Variants in SYNE1 observed in about 807,000 individuals in gnomAD.
The protein encoded by SYNE1 is spectrin repeat containing nuclear envelope protein 1.
A neutral mutation model predicts 1,111.0 loss-of-function variants in SYNE1; 616 were observed. The observed-to-expected ratio is 0.55, with a 90% CI of 0.52 to 0.59. The LOEUF (loss-of-function observed/expected upper bound fraction) is 0.59. Among genes scored for constraint, SYNE1 ranks in the 20% least tolerant of loss-of-function variants. The probability of loss-of-function intolerance (pLI) is 0.00; values close to 1 mark genes in which losing one functional copy is unlikely to be tolerated. For synonymous variants in SYNE1, 3,855 were observed against 3,825.8 expected, an observed-to-expected ratio of 1.01 and a Z score of -0.28; for missense variants, 10,006 against 10,417.0, an observed-to-expected ratio of 0.96 and a Z score of 1.72.
intron 6 of SYNE1, among the ~76,000 whole-genome samples, chr6:152,518,496 C>T (rs551740965): frequency 2.0e-5 from 3 of 152,070 alleles, no homozygotes; most frequent in South Asian, 2.1e-4. Flanking sequence ...CTTCTCCTTC[C>T]GCCATGATTG....
In SYNE1 at chr6:152,343,136, T is replaced by C. The variant is rs370269541; in HGVS notation, c.12225+945A>G. ...TAATCTTTGGTTACAGTGCCCATTC[T>C]CTTTCTTTCGTTTTCTTTTCTTTTT... On this transcript the variant is annotated intron_variant, in intron 74 of 145. Transcript: ENST00000367255. Among the ~76,000 whole-genome samples, 8 of 144,394 alleles carry C rather than the reference T, an allele frequency of 5.5e-5. No homozygotes were observed. In the East Asian group the frequency reaches 1.6e-3, roughly 30 times the overall value. 94.7% of individuals were successfully genotyped at this position (144,394 alleles called of 152,430 possible).
intron 105 of SYNE1, among the ~76,000 whole-genome samples, chr6:152,247,385 A>G (rs1301264741): frequency 6.6e-6 from 1 of 152,192 alleles, no homozygotes; most frequent in Non-Finnish European, 1.5e-5. Flanking sequence ...AAAAATTAGT[A>G]AAAATTATTA....
At chr6:152,568,740 T>A (rs987593319) in intron 3 of SYNE1, among the ~76,000 whole-genome samples, 1 of 152,192 alleles carries the variant, frequency 6.6e-6, no homozygotes, top group African/African-American at 2.4e-5. Context: ...CCTGAGTAGC[T>A]AGAACTACAG....
rs757038942 is a variant in SYNE1 at position 152,329,857 on chromosome 6, G to T, written c.14828C>A (p.Ala4943Glu). 1.2e-6 allele frequency: 2 copies of T among 1,614,006 alleles called. No homozygotes were observed. Among genetic ancestry groups the T allele is most frequent in the Non-Finnish European group, 8.5e-7 (1 of 1,180,040 alleles). ...EVQSSLRIMN[A>E]LSHKEKEKFT... Reference sequence around the variant, plus strand: ...CTTCTCCTTTTCCTTGTGACTCAGCGCATTCATGATTCTCAAGCTGGACTG... The same window carrying T: ...CTTCTCCTTTTCCTTGTGACTCAGCTCATTCATGATTCTCAAGCTGGACTG... Residue 4943 changes from alanine (A) to glutamate (E), a missense_variant, in exon 78 of 146, where the codon GCG becomes GAG. Transcript: ENST00000367255.
chr6:152,285,328 C>T (rs1417305261), intron 95 of SYNE1, among the ~76,000 whole-genome samples: 3 of 152,178 alleles, frequency 2.0e-5, no homozygotes, highest in African/African-American at 4.8e-5. Context: ...CTTCCTCTCT[C>T]GACTGAGTTG....
At chr6:152,164,799 C>T (rs575577242) in intron 130 of SYNE1, among the ~76,000 whole-genome samples, 2 of 152,238 alleles carry the variant, frequency 1.3e-5, no homozygotes, top group African/African-American at 4.8e-5. Context: ...TTGCTGCTAC[C>T]TTTAGACTAT....
chr6:152,404,193 A>T lies in SYNE1; in HGVS notation c.6825+20T>A. ...ATTACAAAATGGATGGAAGTCTAGT[A>T]GTTATTACAAAATGCTTACCTGAAG... On this transcript the variant is annotated intron_variant, in intron 46 of 145. Transcript: ENST00000367255. 6.4e-7 allele frequency: 1 copy of T among 1,562,756 alleles called. No homozygotes were observed. Among genetic ancestry groups the T allele is most frequent in the South Asian group, 1.1e-5 (1 of 90,016 alleles).
rs2098714288 is a variant in SYNE1 at position 152,458,921 on chromosome 6, A to G, written c.2404T>C (p.Cys802Arg). ...GACTCATAAAGGAGTGGGGAGTAAC[A>G]TTCTTTGACCTTTAAAAACATAAAG... ...LKEQLTKVKE[C>R]YSPLLYESQQ... The change falls in exon 22 of 146, where the codon TGT becomes CGT. Residue 802 changes from cysteine (C) to arginine (R), a missense_variant. This residue lies in a region of SYNE1 where 1,971 missense variants were observed against 2,084.1 expected (regional missense o/e 0.95). Transcript: ENST00000367255. 1.2e-6 allele frequency: 2 copies of G among 1,614,048 alleles called. No individual in the cohort carries two copies. Among genetic ancestry groups the G allele is most frequent in the Non-Finnish European group, 1.7e-6 (2 of 1,179,962 alleles).
chr6:152,286,061 C>G (rs73623014), intron 95 of SYNE1, among the ~76,000 whole-genome samples: 1 of 152,286 alleles, frequency 6.6e-6, no homozygotes, highest in East Asian at 1.9e-4. Flanking sequence ...AAGTGCAGTG[C>G]CTCCTCAGAG....
At chr6:152,319,312 T>TA (rs2095814167) in intron 84 of SYNE1, among the ~76,000 whole-genome samples, 1 of 152,168 alleles carries the variant, frequency 6.6e-6, no homozygotes, top group East Asian at 1.9e-4. Flanking sequence ...GACAGCTGAG[T>TA]TTGAATCCTA....
At chr6:152,413,759 T>G (rs957772702) in intron 41 of SYNE1, among the ~76,000 whole-genome samples, 2 of 152,198 alleles carry the variant, frequency 1.3e-5, no homozygotes, top group Non-Finnish European at 2.9e-5. Flanking sequence ...TTCTTACTAC[T>G]CACCATCAAC....
At position 152,269,230 on chromosome 6, in the gene SYNE1, G is replaced by A. The variant is rs1022996215; in HGVS notation, c.18630C>T (p.Pro6210=). The A allele has an allele frequency of 2.4e-5, 38 of 1,614,034 alleles. No individual in the cohort carries two copies. The highest frequency in any genetic ancestry group is 1.1e-4 in the East Asian group (5 of 44,884). The part of the protein sequence containing the change: ...SDVDLTATQS[P]GVQEWLAQAR... ...CTTGGGCCAGCCATTCCTGGACGCC[G>A]GGGCTCTGCGTGGCTGTTAGGTCAA... Residue 6210 remains proline, a synonymous_variant, in exon 99 of 146, where the codon CCC becomes CCT. Transcript: ENST00000367255.
rs183566595 is a variant in SYNE1 at position 152,212,435 on chromosome 6, A to G, written c.22495-847T>C. Among the ~76,000 whole-genome samples the G allele has an allele frequency of 1.4e-4, 21 of 152,308 alleles. No homozygotes were observed. In the East Asian group the frequency reaches 3.9e-3, roughly 28 times the overall value. ...GGCATAATGTTTCCAAGGTTCATAC[A>G]TGTTGCAACATATATCAGTACCTTA... is the stretch of plus-strand genomic sequence containing the variant. On this transcript the variant is annotated intron_variant, in intron 123 of 145. Transcript: ENST00000367255.
rs866906848 is a variant in SYNE1 at position 152,353,251 on chromosome 6, A to G, written c.11253+12T>C. The G allele has an allele frequency of 6.2e-7, 1 of 1,614,168 alleles. No homozygotes were observed. ...GAAAGGTTGGATACAAATCTGAAGT[A>G]TGCGTGCCTACCTCCAACGTCTTCA... On this transcript the variant is annotated intron_variant, in intron 69 of 145. Transcript: ENST00000367255.
At position 152,199,022 on chromosome 6, in the gene SYNE1, CAT is replaced by C. The variant is rs1485606559; in HGVS notation, c.23145+2800_23145+2801del. 6.2e-3 allele frequency among the ~76,000 whole-genome samples: 899 copies of C among 144,864 alleles called. 12 individuals are homozygous for C. Among genetic ancestry groups the C allele is most frequent in the African/African-American group, 0.021 (847 of 39,432 alleles). ...AAAAACCAAAAAACAAAAAACAAAACATAGGATCTGTGAAACACACTAAAACA... is the reference window on the plus strand; with the variant it reads ...AAAAACCAAAAAACAAAAAACAAAACAGGATCTGTGAAACACACTAAAACA... On this transcript the variant is annotated intron_variant, in intron 127 of 145. Coordinates refer to ENST00000367255, the MANE Select transcript of SYNE1 (RefSeq NM_182961.4).
intron 93 of SYNE1, among the ~76,000 whole-genome samples, chr6:152,297,646 A>G (rs1322488057): frequency 6.6e-6 from 1 of 152,232 alleles, no homozygotes; most frequent in Non-Finnish European, 1.5e-5. Flanking sequence ...ATTACTGTCC[A>G]TAAGGAAAAG....
intron 135 of SYNE1, among the ~76,000 whole-genome samples, chr6:152,151,045 T>C (rs1466942007): frequency 1.3e-5 from 2 of 151,754 alleles, no homozygotes; most frequent in Non-Finnish European, 2.9e-5. Flanking sequence ...AACCCCATCT[T>C]TACTAAAAAA....
chr6:152,605,002 AAGAAAGAGAGAGAG>A (rs2099608872), intron 3 of SYNE1, among the ~76,000 whole-genome samples: 2 of 24,920 alleles, frequency 8.0e-5, no homozygotes, highest in African/African-American at 1.9e-4. Context: ...GAAAGAAAGA[AAGAAAGAGAGAGAG>A]AGAGAGAGAG....
intron 37 of SYNE1, 116 bp from the exon 38 acceptor site, chr6:152,427,932 T>A: frequency 1.4e-6 from 2 of 1,457,264 alleles, no homozygotes; most frequent in African/African-American, 1.4e-5. Context: ...CTCAGTTATC[T>A]CAGTCTTAGA....
Sources: gnomAD v4.1 joint callset for allele counts (sites outside exome capture counted in the v4.1 genomes callset) on GRCh38, gnomAD v4.1.1 for gene constraint, gnomAD v4.1.1 regional missense constraint, MANE v1.5 for transcripts, NCBI Gene and HGNC (gene_info 2026-07-23, HGNC 2026-07-21) for gene names.